Variants in RAD51B observed in about 807,000 individuals in gnomAD.
RAD51B encodes the protein RAD51 paralog B.
Under a neutral mutation model 42.2 loss-of-function variants are expected in RAD51B, and 38 were observed. The ratio of observed to expected loss-of-function variants is 0.90; its 90% CI spans 0.70 to 1.18. The LOEUF (loss-of-function observed/expected upper bound fraction) is 1.18, where lower values mean the gene tolerates loss of function less well. RAD51B is among the 50% of genes most tolerant of loss of function. RAD51B has a pLI of 0.00. For missense variants in RAD51B, 373 were observed against 400.7 expected (o/e 0.93, Z 0.59); for synonymous variants, 154 against 145.2 (o/e 1.06, Z -0.43).
intron 10 of RAD51B, among the ~76,000 whole-genome samples, chr14:68,649,174 G>C (rs1012166467): frequency 2.6e-5 from 4 of 152,218 alleles, no homozygotes; most frequent in Admixed American, 6.5e-5. Flanking sequence ...CCAGCTCCAA[G>C]CTCCGAGCTC....
intron 7 of RAD51B, among the ~76,000 whole-genome samples, chr14:67,944,921 T>G (rs1452199963): frequency 6.6e-6 from 1 of 152,156 alleles, no homozygotes; most frequent in African/African-American, 2.4e-5. Context: ...GTCATGAAGA[T>G]GAATTTGAAT....
intron 10 of RAD51B, among the ~76,000 whole-genome samples, chr14:68,535,099 G>T (rs761035355): frequency 6.6e-6 from 1 of 152,136 alleles, no homozygotes; most frequent in African/African-American, 2.4e-5. Context: ...TGGAGCCTCT[G>T]TATTCTTAAA....
intron 4 of RAD51B, among the ~76,000 whole-genome samples, chr14:67,850,307 T>C (rs1298792460): frequency 2.0e-5 from 3 of 152,214 alleles, no homozygotes; most frequent in East Asian, 3.8e-4. Context: ...CTTCAAATTT[T>C]TGTAGATATT....
intron 8 of RAD51B, among the ~76,000 whole-genome samples, chr14:68,406,332 G>T (rs537453314): frequency 6.6e-6 from 1 of 152,308 alleles, no homozygotes; most frequent in Admixed American, 6.5e-5. Context: ...AACCCAGGCT[G>T]TATAGTATAG....
chr14:68,603,880 C>T (rs1891327750), intron 10 of RAD51B, among the ~76,000 whole-genome samples: 1 of 152,252 alleles, frequency 6.6e-6, no homozygotes, highest in Non-Finnish European at 1.5e-5. Context: ...ACGACCAACA[C>T]CCAGCCACAG....
At chr14:68,088,400 G>GT (rs1468228808) in intron 7 of RAD51B, among the ~76,000 whole-genome samples, 1 of 151,644 alleles carries the variant, frequency 6.6e-6, no homozygotes, top group African/African-American at 2.4e-5. Flanking sequence ...TCAGGTTTTT[G>GT]TTTTTTTAAT....
chr14:67,881,328 A>G (rs2042899407), intron 5 of RAD51B, among the ~76,000 whole-genome samples: 1 of 152,150 alleles, frequency 6.6e-6, no homozygotes, highest in Non-Finnish European at 1.5e-5. Flanking sequence ...TTTATTCTTC[A>G]CCTTGTGTAA....
At chr14:68,296,390 G>A (rs146714412) in intron 8 of RAD51B, among the ~76,000 whole-genome samples, 6 of 152,252 alleles carry the variant, frequency 3.9e-5, no homozygotes, top group African/African-American at 1.4e-4. Flanking sequence ...AGAGTTCCCT[G>A]CTCAGTTATT....
chr14:68,474,848 T>C (rs1027588781), intron 10 of RAD51B, among the ~76,000 whole-genome samples: 34 of 152,372 alleles, frequency 2.2e-4, no homozygotes, highest in African/African-American at 7.7e-4. Context: ...CAGGTGTAAC[T>C]ATAACCTAAA....
chr14:68,386,940 C>T (rs1226390052), intron 8 of RAD51B, among the ~76,000 whole-genome samples: 2 of 152,202 alleles, frequency 1.3e-5, no homozygotes, highest in East Asian at 1.9e-4. Context: ...TCATTGATAT[C>T]ACCTCTCCTT....
downstream of RAD51B, among the ~76,000 whole-genome samples, chr14:68,600,967 T>TG (rs1335749106): frequency 6.7e-6 from 1 of 149,248 alleles, no homozygotes; most frequent in Non-Finnish European, 1.5e-5. Flanking sequence ...TTCTTGTGTG[T>TG]GGGTACCCGT....
intron 8 of RAD51B, among the ~76,000 whole-genome samples, chr14:68,331,091 C>T (rs950918621): frequency 8.6e-5 from 13 of 151,976 alleles, no homozygotes; most frequent in African/African-American, 1.9e-4. Flanking sequence ...TGGCCGGGCG[C>T]GGTGGCTCAC....
intron 7 of RAD51B, among the ~76,000 whole-genome samples, chr14:68,024,768 T>A (rs992722087): frequency 6.6e-6 from 1 of 152,186 alleles, no homozygotes; most frequent in Non-Finnish European, 1.5e-5. Context: ...TTTGTAGGTA[T>A]GAAATCATAT....
At chr14:68,587,029 A>C (rs1369178563) in intron 10 of RAD51B, among the ~76,000 whole-genome samples, 1 of 151,926 alleles carries the variant, frequency 6.6e-6, no homozygotes. Flanking sequence ...TGTCTCAAAA[A>C]AAAAAAAAAT....
intron 4 of RAD51B, among the ~76,000 whole-genome samples, chr14:67,847,787 T>C (rs1342941717): frequency 2.6e-5 from 4 of 151,970 alleles, no homozygotes; most frequent in African/African-American, 9.7e-5. Context: ...TATAGATATC[T>C]GTTAGGTTTA....
intron 7 of RAD51B, among the ~76,000 whole-genome samples, chr14:68,057,024 G>A (rs1362139343): frequency 6.6e-6 from 1 of 151,772 alleles, no homozygotes; most frequent in Non-Finnish European, 1.5e-5. Context: ...GGGAGGCAGA[G>A]GTTGCAGTGA....
intron 8 of RAD51B, among the ~76,000 whole-genome samples, chr14:68,323,637 G>A (rs1360501806): frequency 2.0e-5 from 3 of 152,174 alleles, no homozygotes; most frequent in Non-Finnish European, 4.4e-5. Flanking sequence ...ACTAGAAATA[G>A]AAAAACAGTT....
intron 11 of RAD51B, among the ~76,000 whole-genome samples, chr14:68,667,779 A>G (rs1024988223): frequency 9.2e-5 from 14 of 152,180 alleles, no homozygotes; most frequent in African/African-American, 3.1e-4. Context: ...CTTATTTATT[A>G]TATCTCCATT....
intron 7 of RAD51B, among the ~76,000 whole-genome samples, chr14:68,281,408 A>G (rs1027493150): frequency 5.9e-5 from 9 of 152,244 alleles, no homozygotes; most frequent in African/African-American, 2.2e-4. Context: ...TAAATAGGTA[A>G]GATTGCTATG....
Sources: gnomAD v4.1 joint callset for allele counts (sites outside exome capture counted in the v4.1 genomes callset) on GRCh38, gnomAD v4.1.1 for gene constraint, MANE v1.5 for transcripts, NCBI Gene and HGNC (gene_info 2026-07-23, HGNC 2026-07-21) for gene names.